Variants in KLHL32 observed in about 807,000 individuals in gnomAD.
The protein encoded by KLHL32 is kelch like family member 32.
Under a neutral mutation model 64.8 loss-of-function variants are expected in KLHL32, and 35 were observed. The ratio of observed to expected loss-of-function variants is 0.54; its 90% CI spans 0.41 to 0.72. The LOEUF is 0.72. Among genes scored for constraint, KLHL32 ranks in the 30% least tolerant of loss-of-function variants. The probability of loss-of-function intolerance (pLI) is 0.00; values close to 1 mark genes in which losing one functional copy is unlikely to be tolerated. For missense variants in KLHL32, 589 were observed against 768.5 expected, an observed-to-expected ratio of 0.77 and a Z score of 2.76; for synonymous variants, 259 against 281.0, an observed-to-expected ratio of 0.92 and a Z score of 0.78.
intron 3 of KLHL32, among the ~76,000 whole-genome samples, chr6:96,984,606 C>A (rs371111753): frequency 2.0e-5 from 3 of 152,280 alleles, no homozygotes; most frequent in East Asian, 1.9e-4. Flanking sequence ...CTTCTTGTTG[C>A]ATTGATCCCT....
chr6:96,946,607 A>G (rs1210945561), intron 1 of KLHL32, among the ~76,000 whole-genome samples: 1 of 152,220 alleles, frequency 6.6e-6, no homozygotes, highest in Non-Finnish European at 1.5e-5. Context: ...AAGGGCCTGG[A>G]TAATTATTTT....
intron 5 of KLHL32, among the ~76,000 whole-genome samples, chr6:97,067,686 A>G (rs1447357589): frequency 6.6e-6 from 1 of 152,188 alleles, no homozygotes; most frequent in Non-Finnish European, 1.5e-5. Flanking sequence ...CTTTTTACAG[A>G]TGGAGAAACT....
intron 1 of KLHL32, among the ~76,000 whole-genome samples, chr6:96,927,722 A>T (rs1482623411): frequency 2.0e-5 from 3 of 152,202 alleles, no homozygotes; most frequent in Non-Finnish European, 1.5e-5. Context: ...AAGCCATTTC[A>T]GTTTTCCTTT....
intron 3 of KLHL32, among the ~76,000 whole-genome samples, chr6:96,982,400 G>A (rs1225836861): frequency 6.6e-6 from 1 of 152,076 alleles, no homozygotes; most frequent in Non-Finnish European, 1.5e-5. Context: ...CTGTTTGCTT[G>A]GTAGATTTTT....
chr6:97,024,898 T>C, intron 3 of KLHL32: 1 of 667,800 alleles, frequency 1.5e-6, no homozygotes, highest in African/African-American at 2.0e-5. Flanking sequence ...AATATCACTT[T>C]ATTTTTCTGC....
chr6:97,048,631 C>T lies in KLHL32; in HGVS notation c.312+7032C>T, dbSNP rs376908118. ...TTTTATATAGCCCTGATAATGCAAACACTGTGCATTACATTTTGATGATCA... is the reference window on the plus strand; with the variant it reads ...TTTTATATAGCCCTGATAATGCAAATACTGTGCATTACATTTTGATGATCA... On this transcript the variant is annotated intron_variant, in intron 4 of 10. Transcript: ENST00000369261. Among the ~76,000 whole-genome samples, 5 of 152,124 alleles carry T rather than the reference C, an allele frequency of 3.3e-5. No homozygotes were observed. In the East Asian group the frequency reaches 5.8e-4, roughly 18 times the overall value.
intron 1 of KLHL32, among the ~76,000 whole-genome samples, chr6:96,942,601 A>C: frequency 6.6e-6 from 1 of 150,808 alleles, no homozygotes; most frequent in African/African-American, 2.5e-5. Context: ...TGAAATCCTC[A>C]ATCTTTTATC....
intron 4 of KLHL32, among the ~76,000 whole-genome samples, chr6:97,053,975 A>G (rs1390445628): frequency 6.6e-6 from 1 of 152,038 alleles, no homozygotes; most frequent in Non-Finnish European, 1.5e-5. Flanking sequence ...TTAAATATTC[A>G]TAATAAGGAA....
chr6:97,102,106 T>G (rs1795807112), intron 6 of KLHL32, among the ~76,000 whole-genome samples: 1 of 152,244 alleles, frequency 6.6e-6, no homozygotes. Context: ...TTGATAAAAC[T>G]GAGTATCAGC....
chr6:97,132,814 GCTA>G, intron 10 of KLHL32, 67 bp downstream of exon 10: 3 of 1,075,192 alleles, frequency 2.8e-6, no homozygotes, highest in Non-Finnish European at 4.2e-6. Flanking sequence ...TTGCAATGCT[GCTA>G]CTGAAGAAAG....
chr6:96,913,861 T>C, the KLHL32 span, among the ~76,000 whole-genome samples: 4 of 152,182 alleles, frequency 2.6e-5, no homozygotes, highest in Admixed American at 1.3e-4. Context: ...GTCCATGTGC[T>C]AATTCTTAAA....
chr6:96,964,765 T>C (rs1417094752), intron 1 of KLHL32, among the ~76,000 whole-genome samples: 2 of 152,252 alleles, frequency 1.3e-5, no homozygotes, highest in Non-Finnish European at 1.5e-5. Flanking sequence ...GAATAATAAA[T>C]AGTAAATAAT....
intron 1 of KLHL32, among the ~76,000 whole-genome samples, chr6:96,932,575 C>CT (rs774478104): frequency 0.036 from 2,630 of 73,724 alleles, 50 homozygotes; most frequent in Non-Finnish European, 0.045. Context: ...CCCCCCCCCC[C>CT]TTTTTTTTTT....
At chr6:96,980,308 G>C (rs1298322981) in intron 3 of KLHL32, among the ~76,000 whole-genome samples, 1 of 152,032 alleles carries the variant, frequency 6.6e-6, no homozygotes, top group East Asian at 1.9e-4. Context: ...TGTCATAGAT[G>C]GCTCTTGTTA....
chr6:97,104,614 T>A (rs1161936537), intron 6 of KLHL32, among the ~76,000 whole-genome samples: 15 of 152,188 alleles, frequency 9.9e-5, no homozygotes, highest in Admixed American at 3.9e-4. Context: ...AATATATTTC[T>A]TAGAAGAAAA....
At chr6:97,009,957 G>A (rs1287199810) in intron 3 of KLHL32, among the ~76,000 whole-genome samples, 2 of 151,918 alleles carry the variant, frequency 1.3e-5, no homozygotes, top group Non-Finnish European at 2.9e-5. Context: ...CAGTGAGAGG[G>A]CCCCACACAG....
intron 3 of KLHL32, among the ~76,000 whole-genome samples, chr6:97,041,226 A>G (rs781596361): frequency 3.9e-5 from 6 of 152,140 alleles, no homozygotes; most frequent in African/African-American, 1.2e-4. Context: ...CCTAAATACT[A>G]TCACCTCAAA....
chr6:97,106,599 T>C (rs115682622), intron 6 of KLHL32, among the ~76,000 whole-genome samples: 2,859 of 151,972 alleles, frequency 0.019, 81 homozygotes, highest in African/African-American at 0.066. Flanking sequence ...AAAAAATAGC[T>C]GGGTGGTAAT....
chr6:97,036,595 G>T (rs374534502), intron 3 of KLHL32, among the ~76,000 whole-genome samples: 1 of 152,202 alleles, frequency 6.6e-6, no homozygotes, highest in South Asian at 2.1e-4. Flanking sequence ...ATCACCTGAG[G>T]TGTGATGATG....
Sources: allele counts gnomAD v4.1 joint callset (sites outside exome capture counted in the v4.1 genomes callset), GRCh38; gene constraint gnomAD v4.1.1; transcripts MANE v1.5; gene names NCBI Gene and HGNC (gene_info 2026-07-23, HGNC 2026-07-21).